Variants in DENND10 observed in about 807,000 individuals in gnomAD.
The protein encoded by DENND10 is DENN domain-containing protein 10.
Under a neutral mutation model 43.6 loss-of-function variants are expected in DENND10, and 24 were observed. The ratio of observed to expected loss-of-function variants is 0.55; its 90% CI spans 0.40 to 0.77. The LOEUF (loss-of-function observed/expected upper bound fraction) is 0.77, where lower values mean the gene tolerates loss of function less well. Among genes scored for constraint, DENND10 ranks in the 30% least tolerant of loss-of-function variants. DENND10 has a pLI of 0.00. For missense variants in DENND10, 303 were observed against 429.9 expected (o/e 0.70, Z 2.61); for synonymous variants, 125 against 157.6 (o/e 0.79, Z 1.55).
chr10:119,125,980 A>C (rs11198790), intron 6 of DENND10, among the ~76,000 whole-genome samples: 84,783 of 151,718 alleles, frequency 0.56, 23,996 homozygotes, highest in South Asian at 0.67. Context: ...TCTGGTACCC[A>C]CCATTCTACT....
At chr10:119,124,903 T>A (rs552362055) in intron 6 of DENND10, among the ~76,000 whole-genome samples, 2 of 152,112 alleles carry the variant, frequency 1.3e-5, no homozygotes, top group African/African-American at 4.8e-5. Context: ...TTTAAAATTT[T>A]TAAATTATAA....
At chr10:119,131,406 C>T (rs1846083158) in intron 7 of DENND10, among the ~76,000 whole-genome samples, 3 of 152,156 alleles carry the variant, frequency 2.0e-5, no homozygotes, top group East Asian at 3.9e-4. Flanking sequence ...TGCAGTGAGC[C>T]GAGATCGCGC....
intron 2 of DENND10, among the ~76,000 whole-genome samples, chr10:119,111,581 CT>C (rs552265991): frequency 7.9e-5 from 12 of 151,548 alleles, no homozygotes; most frequent in African/African-American, 2.7e-4. Flanking sequence ...TAGAAATGTA[CT>C]TTTTTTATAT....
At chr10:119,128,195 C>G (rs757669815) in intron 6 of DENND10, among the ~76,000 whole-genome samples, 1 of 151,964 alleles carries the variant, frequency 6.6e-6, no homozygotes, top group Non-Finnish European at 1.5e-5. Flanking sequence ...TGCCTGTAGT[C>G]CCAGCTACTC....
rs376204632 is a variant in DENND10 at position 119,136,219 on chromosome 10, G to A, written c.898-252G>A. On this transcript the variant is annotated intron_variant, in intron 8 of 8. Coordinates refer to ENST00000361432, the MANE Select transcript of DENND10 (RefSeq NM_207009.4). ...AAAGGAGTTATCTTTTTTGTTGTTC[G>A]TTTTTGAGACAGGGTTGCCCAGGCT... is the stretch of plus-strand genomic sequence containing the variant. 9.7e-5 allele frequency among the ~76,000 whole-genome samples: 14 copies of A among 144,958 alleles called. No homozygotes were observed. In the East Asian group the frequency reaches 1.7e-3, roughly 18 times the overall value.
chr10:119,120,288 A>C (rs1483289948), intron 4 of DENND10, 53 bp from the exon 5 acceptor site: 1 of 1,103,162 alleles, frequency 9.1e-7, no homozygotes, highest in African/African-American at 1.6e-5. Context: ...AAAAATCTTT[A>C]TTTCTTTGCA....
chr10:119,123,673 G>A (rs1355593211), intron 6 of DENND10, 104 bp downstream of exon 6: 10 of 860,018 alleles, frequency 1.2e-5, no homozygotes, highest in East Asian at 1.1e-4. Flanking sequence ...GCAATGGCAC[G>A]ATCTTAGCTC....
intron 3 of DENND10, among the ~76,000 whole-genome samples, chr10:119,115,917 C>A (rs1489244446): frequency 6.6e-6 from 1 of 151,782 alleles, no homozygotes; most frequent in East Asian, 1.9e-4. Context: ...GTGTGAGCCA[C>A]CAGGCCCAGC....
chr10:119,123,875 ATTT>A (rs75237743), intron 6 of DENND10, among the ~76,000 whole-genome samples: 1 of 142,652 alleles, frequency 7.0e-6, no homozygotes, highest in Admixed American at 7.0e-5. Flanking sequence ...TTGCCCTTAA[ATTT>A]TTTTTTTTTT....
intron 8 of DENND10, 70 bp from the exon 9 acceptor site, chr10:119,136,401 G>T: frequency 2.6e-6 from 4 of 1,526,194 alleles, no homozygotes; most frequent in Non-Finnish European, 3.5e-6. Context: ...AAAATAGGAA[G>T]AATTCTAGAG....
In DENND10 at chr10:119,132,704, G is replaced by A. The variant is rs746730915; in HGVS notation, c.897+95G>A. ...GTGCACATAAGCAGAGTGGGGGGCT[G>A]TGGTAGAGGCCAGCGGGCAGGTGCT... On this transcript the variant is annotated intron_variant, in intron 8 of 8. Coordinates refer to ENST00000361432, the MANE Select transcript of DENND10 (RefSeq NM_207009.4). The surrounding 1 kb of genome is among the most constrained non-coding windows in gnomAD (Gnocchi z 4.2). 17 of 999,194 alleles carry A rather than the reference G, an allele frequency of 1.7e-5. No homozygotes were observed. The highest frequency in any genetic ancestry group is 2.4e-5 in the East Asian group (1 of 42,056). The allele number at this position is 999,194 out of a possible 1,614,324, so 61.9% of individuals were successfully genotyped here. A position where few individuals can be genotyped will look rare whatever the true frequency, so the allele number is the denominator to read the frequency against.
At chr10:119,128,535 G>A (rs1236724607) in intron 6 of DENND10, among the ~76,000 whole-genome samples, 2 of 151,818 alleles carry the variant, frequency 1.3e-5, no homozygotes, top group Non-Finnish European at 2.9e-5. Flanking sequence ...TTGAACCTGG[G>A]AGGTGGAGGT....
intron 3 of DENND10, among the ~76,000 whole-genome samples, chr10:119,117,021 T>C (rs576493257): frequency 6.6e-6 from 1 of 152,162 alleles, no homozygotes; most frequent in Non-Finnish European, 1.5e-5. Flanking sequence ...AGAGAAATGA[T>C]GCTACTTGAA....
intron 2 of DENND10, among the ~76,000 whole-genome samples, chr10:119,109,527 C>A (rs1206528109): frequency 1.3e-5 from 2 of 151,592 alleles, no homozygotes; most frequent in Non-Finnish European, 2.9e-5. Context: ...TTAAAAATTA[C>A]ATTTAAAATA....
rs570911762 is a variant in DENND10, at chr10:119,105,431, C to T, written c.55+1234C>T. ...GCCTCCGAGTAGCTGGGACCTCAGG[C>T]GTGCACCACCACCCGATTAATTTTT... On this transcript the variant is annotated intron_variant, in intron 1 of 8. Coordinates refer to ENST00000361432, the MANE Select transcript of DENND10 (RefSeq NM_207009.4). 8.1e-5 allele frequency: 47 copies of T among 582,336 alleles called. No homozygotes were observed. In the Middle Eastern group the frequency reaches 2.4e-3, roughly 30 times the overall value. The allele number at this position is 582,336 out of a possible 1,614,324, so 36.1% of individuals were successfully genotyped here.
At position 119,107,376 on chromosome 10, in the gene DENND10, A is replaced by G. The variant is rs115107928; in HGVS notation, c.56-592A>G. ...TTGATAAGCATTTGTGTGGGAGGAG[A>G]TAGGGAGAAACTCTAACATCTTTCT... On this transcript the variant is annotated intron_variant, in intron 1 of 8. Transcript: ENST00000361432. Among the ~76,000 whole-genome samples, 781 of 150,560 alleles carry G rather than the reference A, an allele frequency of 5.2e-3. 6 individuals carry two copies. Among genetic ancestry groups the G allele is most frequent in the African/African-American group, 0.018 (727 of 41,196 alleles).
intron 8 of DENND10, among the ~76,000 whole-genome samples, chr10:119,135,464 G>T (rs1276425100): frequency 6.6e-6 from 1 of 152,080 alleles, no homozygotes; most frequent in African/African-American, 2.4e-5. Flanking sequence ...TGTGGCTTTT[G>T]TTGGGGGGGA....
At chr10:119,109,402 A>G (rs1844868878) in intron 2 of DENND10, among the ~76,000 whole-genome samples, 1 of 152,124 alleles carries the variant, frequency 6.6e-6, no homozygotes, top group African/African-American at 2.4e-5. Context: ...TATTGGAACA[A>G]TACTTTATCT....
In DENND10 at chr10:119,132,445, A is replaced by G. The variant is rs1356066729; in HGVS notation, c.803-70A>G. On this transcript the variant is annotated intron_variant, in intron 7 of 8. Coordinates refer to ENST00000361432, the MANE Select transcript of DENND10 (RefSeq NM_207009.4). The surrounding 1 kb of genome is among the most constrained non-coding windows in gnomAD (Gnocchi z 4.2). Reference sequence around the variant, plus strand: ...AAAATTCCCTCAGTGTGGTCTTCCAAGTTTTCAGATAGATGGCATGATTAT... The same window carrying G: ...AAAATTCCCTCAGTGTGGTCTTCCAGGTTTTCAGATAGATGGCATGATTAT... 1 of 1,347,854 alleles carries G rather than the reference A, an allele frequency of 7.4e-7. No individual in the cohort carries two copies. Among genetic ancestry groups the G allele is most frequent in the Non-Finnish European group, 1.1e-6 (1 of 939,432 alleles). 83.5% of individuals were successfully genotyped at this position (1,347,854 alleles called of 1,614,324 possible). A position where few individuals can be genotyped will look rare whatever the true frequency, so the allele number is the denominator to read the frequency against.
Sources: gnomAD v4.1 joint callset for allele counts (sites outside exome capture counted in the v4.1 genomes callset) on GRCh38, gnomAD v4.1.1 for gene constraint, Gnocchi (gnomAD v3.1) non-coding constraint, MANE v1.5 for transcripts, NCBI Gene and HGNC (gene_info 2026-07-23, HGNC 2026-07-21) for gene names.